Variants in CBLC observed in about 807,000 individuals in gnomAD.
The protein encoded by CBLC is E3 ubiquitin-protein ligase CBL-C.
Under a neutral mutation model 58.6 loss-of-function variants are expected in CBLC, and 46 were observed. The observed-to-expected ratio is 0.79, with a 90% CI of 0.62 to 1.00. The LOEUF (loss-of-function observed/expected upper bound fraction) is 1.00. Among genes scored for constraint, CBLC ranks in the 50% least tolerant of loss-of-function variants. The probability of loss-of-function intolerance (pLI) is 0.00; values close to 1 mark genes in which losing one functional copy is unlikely to be tolerated. For synonymous variants in CBLC, 271 were observed against 264.2 expected (o/e 1.03, Z -0.25); for missense variants, 655 against 625.8 (o/e 1.05, Z -0.50).
At chr19:44,781,937 G>A (rs1485112746) in intron 3 of CBLC, among the ~76,000 whole-genome samples, 2 of 129,428 alleles carry the variant, frequency 1.5e-5, no homozygotes, top group East Asian at 2.6e-4. Context: ...AGGGCCTGGG[G>A]CCTGGACTCC....
chr19:44,785,688 C>T (rs1967885505), intron 5 of CBLC, among the ~76,000 whole-genome samples: 1 of 151,866 alleles, frequency 6.6e-6, no homozygotes, highest in African/African-American at 2.4e-5. Context: ...GTAATCCCAG[C>T]ACTTTGGGAG....
chr19:44,791,961 G>A (rs916028137), intron 6 of CBLC, among the ~76,000 whole-genome samples: 6 of 150,930 alleles, frequency 4.0e-5, no homozygotes, highest in Admixed American at 2.6e-4. Flanking sequence ...GAGCCACAGC[G>A]CCAAGATAGA....
Position 44,778,299 on chromosome 19 carries a change from C to G in CBLC, c.353+15C>G. On this transcript the variant is annotated intron_variant, in intron 1 of 10. Transcript: ENST00000647358. ...TCCAGACTCAGGTGAGCCTTCGCCC[C>G]AGAACAAAGTCCTCTGGGGTGAGGC... 1 of 1,421,874 alleles carries G rather than the reference C, an allele frequency of 7.0e-7. No individual in the cohort carries two copies. The highest frequency in any genetic ancestry group is 9.2e-7 in the Non-Finnish European group (1 of 1,091,880). The allele number at this position is 1,421,874 out of a possible 1,614,324, so 88.1% of individuals were successfully genotyped here.
intron 1 of CBLC, among the ~76,000 whole-genome samples, chr19:44,780,487 T>TG (rs1967691975): frequency 6.7e-6 from 1 of 149,030 alleles, no homozygotes; most frequent in African/African-American, 2.5e-5. Context: ...TTTTTTTTTT[T>TG]TTTGAGATGG....
chr19:44,792,465 T>C lies in CBLC; in HGVS notation c.1088T>C (p.Ile363Thr), dbSNP rs766921120. The C allele has an allele frequency of 3.7e-6, 6 of 1,612,782 alleles. No homozygotes were observed. In the South Asian group the frequency reaches 4.4e-5, roughly 12 times the overall value. ...GCTGAGAGCAACAAGGATGTGAAGA[T>C]TGAGCCGTGCGGGCACCTGCTCTGC... The part of the protein sequence containing the change: ...ICAESNKDVK[I>T]EPCGHLLCSC... Residue 363 changes from isoleucine (I) to threonine (T), a missense_variant, in exon 7 of 11, where the codon ATT (isoleucine) becomes ACT (threonine). Physicochemically the swap from Ile to Thr is moderately conservative, Grantham distance 89. Around this residue, in one of 3 missense-constraint regions of CBLC, gnomAD observed 371 missense variants for 370.8 expected, o/e 1.00. Coordinates refer to ENST00000647358, the MANE Select transcript of CBLC (RefSeq NM_012116.4).
At chr19:44,800,264 C>A in intron 9 of CBLC, 117 bp from the exon 10 acceptor site, 1 of 706,086 alleles carries the variant, frequency 1.4e-6, no homozygotes. Flanking sequence ...GAAGCCACCT[C>A]CAGCCCCCAG....
At position 44,796,828 on chromosome 19, in the gene CBLC, G is replaced by A. The variant is rs554758494; in HGVS notation, c.1362+2547G>A. 7.9e-5 allele frequency among the ~76,000 whole-genome samples: 12 copies of A among 152,108 alleles called. No homozygotes were observed. In the South Asian group the frequency reaches 2.5e-3, roughly 32 times the overall value. ...ACACACAGGCTTCGATCAATACTGA[G>A]CTGTCTTCAAACAAACAGCTCAGGA... On this transcript the variant is annotated intron_variant, in intron 9 of 10. Transcript: ENST00000647358.
chr19:44,794,733 G>A (rs1404323832), intron 9 of CBLC, among the ~76,000 whole-genome samples: 1 of 151,930 alleles, frequency 6.6e-6, no homozygotes, highest in Non-Finnish European at 1.5e-5. Flanking sequence ...ACAGTGCGGG[G>A]ATTACAGGAG....
chr19:44,785,876 G>A (rs572951084), intron 5 of CBLC, among the ~76,000 whole-genome samples: 9 of 151,840 alleles, frequency 5.9e-5, no homozygotes, highest in African/African-American at 1.9e-4. Context: ...TGGAGGTTTC[G>A]GTGAGCTGAT....
At chr19:44,789,410 T>C (rs1045429225) in intron 5 of CBLC, among the ~76,000 whole-genome samples, 3 of 138,866 alleles carry the variant, frequency 2.2e-5, no homozygotes, top group Non-Finnish European at 3.1e-5. Context: ...AGATTTTCCC[T>C]TTTTTTTTTT....
intron 7 of CBLC, 147 bp from the exon 8 acceptor site, chr19:44,793,327 G>A (rs1968100655): frequency 2.3e-6 from 2 of 856,006 alleles, no homozygotes; most frequent in Non-Finnish European, 3.4e-6. Flanking sequence ...ACATTCCTCT[G>A]CTCTCCACGA....
chr19:44,800,291 A>G (rs1968266866), intron 9 of CBLC, 90 bp from the exon 10 acceptor site: 5 of 900,308 alleles, frequency 5.6e-6, no homozygotes, highest in Admixed American at 1.9e-5. Flanking sequence ...TGGGACTCCC[A>G]GGTCTAAGAC....
chr19:44,788,624 C>T (rs1967971430), intron 5 of CBLC, among the ~76,000 whole-genome samples: 1 of 151,908 alleles, frequency 6.6e-6, no homozygotes, highest in African/African-American at 2.4e-5. Flanking sequence ...TGATTACAGA[C>T]ACGCACCTCC....
chr19:44,799,141 T>G (rs1422187018), intron 9 of CBLC, among the ~76,000 whole-genome samples: 3 of 152,146 alleles, frequency 2.0e-5, no homozygotes, highest in African/African-American at 4.8e-5. Context: ...ACAAAGATAG[T>G]TTTCTGTCTT....
intron 5 of CBLC, among the ~76,000 whole-genome samples, chr19:44,786,605 A>T: frequency 6.6e-6 from 1 of 152,026 alleles, no homozygotes; most frequent in Admixed American, 6.6e-5. Context: ...AGAAAAAAAA[A>T]AAAGAAAAAA....
At chr19:44,787,984 A>T (rs1481034995) in intron 5 of CBLC, among the ~76,000 whole-genome samples, 1 of 151,846 alleles carries the variant, frequency 6.6e-6, no homozygotes, top group Non-Finnish European at 1.5e-5. Flanking sequence ...TTAGTTACCG[A>T]CAAGGTATCA....
chr19:44,790,055 C>A lies in CBLC; in HGVS notation c.969C>A (p.Gly323=), dbSNP rs201712287. Residue 323 remains glycine, a synonymous_variant, in exon 6 of 11, where the codon GGC becomes GGA. Transcript: ENST00000647358. ...ACAACCCAGACCTGACTGAGCTCGG[C>A]CAGGCAGAACCCCAGCAGCGCATCC... ...KTHNPDLTEL[G]QAEPQQRIHV... 2 of 1,614,020 alleles carry A rather than the reference C, an allele frequency of 1.2e-6. No homozygotes were observed. The highest frequency in any genetic ancestry group is 4.5e-5 in the East Asian group (2 of 44,866).
intron 5 of CBLC, among the ~76,000 whole-genome samples, chr19:44,787,557 G>A (rs938552880): frequency 8.7e-5 from 13 of 149,782 alleles, no homozygotes; most frequent in South Asian, 4.3e-4. Context: ...TGGCTCACAC[G>A]TGTAATCCCA....
chr19:44,794,959 C>CT (rs35703201), intron 9 of CBLC, among the ~76,000 whole-genome samples: 238 of 136,364 alleles, frequency 1.7e-3, no homozygotes, highest in East Asian at 3.6e-3. Context: ...AATCCCAGTA[C>CT]TTTTTTTTTT....
Sources: gnomAD v4.1 joint callset for allele counts (sites outside exome capture counted in the v4.1 genomes callset) on GRCh38, gnomAD v4.1.1 for gene constraint, gnomAD v4.1.1 regional missense constraint, MANE v1.5 for transcripts, NCBI Gene and HGNC (gene_info 2026-07-23, HGNC 2026-07-21) for gene names.